The following DBN1 variants were observed in gnomAD, a reference collection of about 807,000 sequenced individuals.
DBN1 encodes drebrin 1, also known as drebrin.
DBN1 carries 21 observed loss-of-function variants against 83.5 expected under a neutral mutation model. That is an observed-to-expected ratio of 0.25 (90% CI 0.18 to 0.36). The LOEUF is 0.36. DBN1 is among the 10% of genes least tolerant of loss of function. The probability of loss-of-function intolerance (pLI) is 1.00; values close to 1 mark genes in which losing one functional copy is unlikely to be tolerated. For missense variants in DBN1, 874 were observed against 935.7 expected (o/e 0.93, Z 0.86); for synonymous variants, 381 against 384.9 (o/e 0.99, Z 0.12).
At chr5:177,465,289 AATCTTAAGGAC>A (rs1333382789) in intron 8 of DBN1, among the ~76,000 whole-genome samples, 1 of 152,396 alleles carries the variant, frequency 6.6e-6, no homozygotes, top group East Asian at 1.9e-4. Flanking sequence ...AACATGGATG[AATCTTAAGGAC>A]ATCATGCTAA....
At position 177,458,462 on chromosome 5, in the gene DBN1, C is replaced by A. The variant is rs1756734371; in HGVS notation, c.1510G>T (p.Ala504Ser). 6.2e-7 allele frequency: 1 copy of A among 1,613,680 alleles called. No individual in the cohort carries two copies. The highest frequency in any genetic ancestry group is 8.5e-7 in the Non-Finnish European group (1 of 1,179,652). ...TTGGCAACAGTGGTGTCAGCAGTGG[C>A]AGTGTCAGTTTCAATGGTGTCAGCT... ...DAADTIETDTATADTTVANNV... is the reference protein window; with the variant it reads ...DAADTIETDTSTADTTVANNV... Residue 504 changes from alanine (A) to serine (S), a missense_variant, in exon 13 of 15, where the codon GCC becomes TCC. By Grantham distance (99) the Ala-to-Ser change is moderately conservative. Around this residue, in one of 4 missense-constraint regions of DBN1, gnomAD observed 725 missense variants for 719.7 expected, o/e 1.01. Coordinates refer to ENST00000393565, the MANE Select transcript of DBN1 (RefSeq NM_001363541.2).
rs533582242 is a variant in DBN1 at position 177,462,014 on chromosome 5, C to A, written c.772-1311G>T. Among the ~76,000 whole-genome samples, 13 of 152,340 alleles carry A rather than the reference C, an allele frequency of 8.5e-5. No individual in the cohort carries two copies. The East Asian group carries it at 2.5e-3, about 29-fold the overall frequency. ...GACATCACCTGCAAGCCCGGAGCAG[C>A]CATCACCGGGGCCTCGCCGCAGCCC... On this transcript the variant is annotated intron_variant, in intron 8 of 14. Transcript: ENST00000393565.
At chr5:177,459,798 C>A (rs3828646) in intron 10 of DBN1, 58 bp from the exon 11 acceptor site, 12 of 1,405,788 alleles carry the variant, frequency 8.5e-6, no homozygotes, top group African/African-American at 5.9e-5. Flanking sequence ...CAGTCTCCCC[C>A]ACCCCTGCCC....
At position 177,457,405 on chromosome 5, in the gene DBN1, C is replaced by T. The variant is rs747191358; in HGVS notation, c.*28G>A. The T allele has an allele frequency of 6.2e-7, 1 of 1,608,894 alleles. No individual in the cohort carries two copies. The highest frequency in any genetic ancestry group is 1.1e-5 in the South Asian group (1 of 90,986). ...GGCTGATGCAGGTGGGCGGCCTTGG[C>T]AAGGGTAGCCTAGGGCTGGCGCCAC... On this transcript the variant is annotated 3_prime_UTR_variant, in exon 15 of 15. Coordinates refer to ENST00000393565, the MANE Select transcript of DBN1 (RefSeq NM_001363541.2).
Position 177,459,123 on chromosome 5 carries a change from C to A in DBN1, c.1239G>T (p.Leu413=), listed in dbSNP as rs1756804898. The A allele has an allele frequency of 6.2e-7, 1 of 1,609,904 alleles. No homozygotes were observed. Among genetic ancestry groups the A allele is most frequent in the Non-Finnish European group, 8.5e-7 (1 of 1,178,156 alleles). Residue 413 remains leucine (L), a synonymous_variant, in exon 12 of 15, where the codon CTG becomes CTT. Transcript: ENST00000393565. ...CTTGGGCTGGTGGGGGTGGCGGTGG[C>A]AGTGGTGGAGGCTGCGAGGAGGTGA... ...DEVTSSQPPP[L]PPPPPPAQET...
At chr5:177,462,246 A>G (rs1264875631) in intron 8 of DBN1, 2 of 984,056 alleles carry the variant, frequency 2.0e-6, no homozygotes. Context: ...AGATGTAGAC[A>G]TCAAGTCCTC....
At chr5:177,469,083 G>A (rs1408525108) in intron 1 of DBN1, among the ~76,000 whole-genome samples, 184 bp from the exon 2 acceptor site, 1 of 152,078 alleles carries the variant, frequency 6.6e-6, no homozygotes, top group Non-Finnish European at 1.5e-5. Context: ...GGTACTGCTG[G>A]AGGCCTGGGT....
At chr5:177,464,029 C>T (rs1230003649) in intron 8 of DBN1, among the ~76,000 whole-genome samples, 2 of 151,800 alleles carry the variant, frequency 1.3e-5, no homozygotes, top group Non-Finnish European at 2.9e-5. Context: ...GCAGGAGAAT[C>T]GCTTGAACCC....
At chr5:177,465,671 C>T (rs778555923) in intron 8 of DBN1, among the ~76,000 whole-genome samples, 8 of 152,034 alleles carry the variant, frequency 5.3e-5, no homozygotes, top group Non-Finnish European at 1.0e-4. Context: ...TCCTGGCCAA[C>T]ATGGTGAAAC....
At position 177,458,480 on chromosome 5, in the gene DBN1, T is replaced by C. The variant is rs377522376; in HGVS notation, c.1492A>G (p.Thr498Ala). Residue 498 changes from threonine (T) to alanine (A), a missense_variant, in exon 13 of 15, where the codon ACC (threonine) becomes GCC (alanine). By Grantham distance (58) the Thr-to-Ala change is moderately conservative. Transcript: ENST00000393565. ...GCAGTGGCAGTGTCAGTTTCAATGG[T>C]GTCAGCTGCATCGTGGATCTCCGTG... Reference protein sequence around the residue: ...DATEIHDAADTIETDTATADT... With the variant: ...DATEIHDAADAIETDTATADT... 6.2e-7 allele frequency: 1 copy of C among 1,613,710 alleles called. No individual in the cohort carries two copies. The highest frequency in any genetic ancestry group is 8.5e-7 in the Non-Finnish European group (1 of 1,179,602).
rs1756694020 is a variant in DBN1 at position 177,458,148 on chromosome 5, C to A, written c.1824G>T (p.Leu608=). The change falls in exon 13 of 15, where the codon CTG becomes CTT. Residue 608 remains leucine (L), a synonymous_variant. Transcript: ENST00000393565. ...ESLAAPQTPT[L]PSALEELEQE... is the part of the protein sequence containing the mutation. ...GCTCCAGCTCCTCAAGGGCTGAGGG[C>A]AGAGTTGGGGTCTGGGGGGCAGCCA... 6.2e-7 allele frequency: 1 copy of A among 1,613,130 alleles called. No individual in the cohort carries two copies. The highest frequency in any genetic ancestry group is 1.7e-5 in the Admixed American group (1 of 59,996).
intron 1 of DBN1, chr5:177,472,418 G>A (rs1291699138): frequency 4.2e-5 from 59 of 1,403,528 alleles, no homozygotes; most frequent in Non-Finnish European, 1.2e-5. Flanking sequence ...AGTATTACGG[G>A]GGGGTTAAAG....
rs950609741 is a variant in DBN1 at position 177,463,137 on chromosome 5, C to T, written c.772-2434G>A. On this transcript the variant is annotated intron_variant, in intron 8 of 14. Coordinates refer to ENST00000393565, the MANE Select transcript of DBN1 (RefSeq NM_001363541.2). Reference sequence around the variant, plus strand: ...CTGCAAGCTCCGCCTCCCGGGTTCACGCCATTCTCCTGCCTCAGCCTCCCG... The same window carrying T: ...CTGCAAGCTCCGCCTCCCGGGTTCATGCCATTCTCCTGCCTCAGCCTCCCG... 6.6e-5 allele frequency among the ~76,000 whole-genome samples: 10 copies of T among 152,160 alleles called. No homozygotes were observed. The South Asian group carries it at 1.0e-3, about 16-fold the overall frequency.
At chr5:177,470,217 T>A (rs1757744100) in intron 1 of DBN1, among the ~76,000 whole-genome samples, 1 of 152,152 alleles carries the variant, frequency 6.6e-6, no homozygotes, top group East Asian at 1.9e-4. Flanking sequence ...CCCTGACAGA[T>A]GCTTCCAGCA....
intron 8 of DBN1, among the ~76,000 whole-genome samples, chr5:177,465,510 A>G (rs1757383400): frequency 6.6e-6 from 1 of 152,206 alleles, no homozygotes; most frequent in Admixed American, 6.5e-5. Flanking sequence ...CGCTTAATGA[A>G]ATGCAGATTT....
intron 12 of DBN1, 134 bp from the exon 13 acceptor site, chr5:177,458,841 C>T: frequency 9.0e-7 from 1 of 1,114,940 alleles, no homozygotes; most frequent in Non-Finnish European, 1.2e-6. Flanking sequence ...CCCAGTGACC[C>T]CAGTGACTTT....
rs144418852 is a variant in DBN1, at chr5:177,459,217, C to T, written c.1145G>A (p.Arg382Gln). Residue 382 changes from arginine to glutamine, a missense_variant, in exon 12 of 15, where the codon CGG becomes CAG. Around this residue, in one of 4 missense-constraint regions of DBN1, gnomAD observed 725 missense variants for 719.7 expected, o/e 1.01. Transcript: ENST00000393565. ...GGCGGTGCTGGAGTCAGACGGGCTC[C>T]GCGTGGGGATGGGAGTGGGCGCCAT... is the stretch of plus-strand genomic sequence containing the variant. Reference protein sequence around the residue: ...RRMAPTPIPTRSPSDSSTAST... With the variant: ...RRMAPTPIPTQSPSDSSTAST... 1.7e-5 allele frequency: 27 copies of T among 1,611,008 alleles called. No homozygotes were observed. In the African/African-American group the frequency reaches 2.0e-4, roughly 12 times the overall value.
chr5:177,463,385 G>A (rs985016391), intron 8 of DBN1, among the ~76,000 whole-genome samples: 1 of 152,114 alleles, frequency 6.6e-6, no homozygotes, highest in African/African-American at 2.4e-5. Context: ...ACTGAAACAA[G>A]TAAGGCCCAG....
chr5:177,473,534 A>T lies in DBN1; in HGVS notation c.-13T>A. On this transcript the variant is annotated 5_prime_UTR_variant, in exon 1 of 15. Coordinates refer to ENST00000393565, the MANE Select transcript of DBN1 (RefSeq NM_001363541.2). ...TGACGCCGGCCATGCTTCGGGCCGG[A>T]CCGGGCCGAACGGACAGACGCGCGG... is the stretch of plus-strand genomic sequence containing the variant. The T allele has an allele frequency of 7.5e-7, 1 of 1,324,556 alleles. No individual in the cohort carries two copies. Among genetic ancestry groups the T allele is most frequent in the South Asian group, 1.5e-5 (1 of 64,896 alleles). 82.1% of individuals were successfully genotyped at this position (1,324,556 alleles called of 1,614,324 possible).
Sources: gnomAD v4.1 joint callset for allele counts (sites outside exome capture counted in the v4.1 genomes callset) on GRCh38, gnomAD v4.1.1 for gene constraint, gnomAD v4.1.1 regional missense constraint, MANE v1.5 for transcripts, NCBI Gene and HGNC (gene_info 2026-07-23, HGNC 2026-07-21) for gene names.